SLAMF9: variants seen among roughly 807,000 people sequenced by gnomAD.
The protein encoded by SLAMF9 is CD2 family member 10.
SLAMF9 carries 25 observed loss-of-function variants against 30.4 expected under a neutral mutation model. The ratio of observed to expected loss-of-function variants is 0.82; its 90% CI spans 0.60 to 1.15. The LOEUF is 1.15. Ranked by LOEUF, SLAMF9 falls within the 50% of genes most tolerant of loss-of-function variation. The pLI is 0.00. For missense variants in SLAMF9, 344 were observed against 346.1 expected, an observed-to-expected ratio of 0.99 and a Z score of 0.05; for synonymous variants, 129 against 127.2, an observed-to-expected ratio of 1.01 and a Z score of -0.09.
At position 159,954,205 on chromosome 1, in the gene SLAMF9, A is replaced by G; in HGVS notation, c.-68T>C. The stretch of plus-strand genomic sequence containing the variant: ...TCCCCAGGACTGTGCAGAAGACTGC[A>G]TTAGGAGGCTCCTAGACACAAAGAG... On this transcript the variant is annotated 5_prime_UTR_variant, in exon 1 of 4. It removes an upstream start codon present in the reference 5' UTR. Transcript: ENST00000368093. 6.3e-7 allele frequency: 1 copy of G among 1,580,154 alleles called. No individual in the cohort carries two copies. The highest frequency in any genetic ancestry group is 8.7e-7 in the Non-Finnish European group (1 of 1,152,180).
At chr1:159,972,108 G>T in the SLAMF9 span, among the ~76,000 whole-genome samples, 3 of 152,132 alleles carry the variant, frequency 2.0e-5, no homozygotes, top group Admixed American at 6.5e-5. Flanking sequence ...GGGCCAAGCT[G>T]AGGATTCTGG....
At chr1:159,967,797 T>C in the SLAMF9 span, among the ~76,000 whole-genome samples, 1 of 152,212 alleles carries the variant, frequency 6.6e-6, no homozygotes, top group Non-Finnish European at 1.5e-5. Flanking sequence ...TTTATAGTTT[T>C]CAGTATATAA....
chr1:159,980,918 T>C, the SLAMF9 span, among the ~76,000 whole-genome samples: 1 of 152,266 alleles, frequency 6.6e-6, no homozygotes, highest in Non-Finnish European at 1.5e-5. Flanking sequence ...TGGACCCACC[T>C]GACTTTCTTT....
the SLAMF9 span, among the ~76,000 whole-genome samples, chr1:159,968,769 G>A: frequency 6.6e-6 from 1 of 152,184 alleles, no homozygotes. Flanking sequence ...AGTAGGGAAG[G>A]CCCAGGCACG....
At chr1:159,976,912 A>AAAAT in the SLAMF9 span, 96 of 59,576 alleles carry the variant, frequency 1.6e-3, no homozygotes, top group African/African-American at 5.1e-3. Context: ...AGGAAAGAAA[A>AAAAT]AAAGAAAGAA....
chr1:159,971,749 T>A, the SLAMF9 span, among the ~76,000 whole-genome samples: 1 of 152,126 alleles, frequency 6.6e-6, no homozygotes, highest in Non-Finnish European at 1.5e-5. Flanking sequence ...GTGGGCGTCC[T>A]GGCAGCTTTG....
At chr1:159,954,877 G>C (rs1387036906), upstream of SLAMF9, among the ~76,000 whole-genome samples, 1 of 152,038 alleles carries the variant, frequency 6.6e-6, no homozygotes, top group Non-Finnish European at 1.5e-5. Flanking sequence ...TCAGGAGTTT[G>C]AGACCAGCCT....
chr1:159,958,943 G>GT (rs1651984472), upstream of SLAMF9, among the ~76,000 whole-genome samples: 1 of 152,166 alleles, frequency 6.6e-6, no homozygotes, highest in South Asian at 2.1e-4. Context: ...AGTACTTCCT[G>GT]TGCCATGTAA....
At chr1:159,975,125 A>G in the SLAMF9 span, among the ~76,000 whole-genome samples, 1 of 152,198 alleles carries the variant, frequency 6.6e-6, no homozygotes, top group East Asian at 1.9e-4. Context: ...TAACAAAGGT[A>G]CTGATTCAAT....
Position 159,952,441 on chromosome 1 carries a change from C to A in SLAMF9, c.485G>T (p.Gly162Val), listed in dbSNP as rs1398032815. 1 of 1,614,132 alleles carries A rather than the reference C, an allele frequency of 6.2e-7. No homozygotes were observed. ...MSLVCSVEKA[G>V]MDMTYSWLSR... Reference sequence around the variant, plus strand: ...GAGCCAGCTGTAGGTCATATCCATGCCTGCCTTCTCCACAGAGCACACCAG... The same window carrying A: ...GAGCCAGCTGTAGGTCATATCCATGACTGCCTTCTCCACAGAGCACACCAG... The change falls in exon 3 of 4, where the codon GGC becomes GTC. Residue 162 changes from glycine to valine, a missense_variant. By Grantham distance (109) the Gly-to-Val change is moderately radical. Transcript: ENST00000368093.
In SLAMF9 at chr1:159,954,086, A is replaced by C; in HGVS notation, c.46+6T>G. The stretch of plus-strand genomic sequence containing the variant: ...TTCCTGTGCACGAGCTGGCAGCTTC[A>C]CTCACCCTCCTGGAGCAGCAGGAGA... On this transcript the variant is annotated splice_donor_region_variant and intron_variant, in intron 1 of 3. Transcript: ENST00000368093. The C allele has an allele frequency of 6.2e-7, 1 of 1,613,662 alleles. No individual in the cohort carries two copies. Among genetic ancestry groups the C allele is most frequent in the Non-Finnish European group, 8.5e-7 (1 of 1,179,912 alleles).
chr1:159,970,275 GATAGTGCAGAC>G, the SLAMF9 span, among the ~76,000 whole-genome samples: 1 of 152,188 alleles, frequency 6.6e-6, no homozygotes, highest in Non-Finnish European at 1.5e-5. Context: ...CTCATATGAG[GATAGTGCAGAC>G]TTGCTCCCCT....
At chr1:159,969,878 A>C in the SLAMF9 span, among the ~76,000 whole-genome samples, 74 of 152,148 alleles carry the variant, frequency 4.9e-4, no homozygotes, top group African/African-American at 1.7e-3. Flanking sequence ...CACTGTCTCT[A>C]CCCAAAATAC....
the SLAMF9 span, among the ~76,000 whole-genome samples, chr1:159,975,334 G>A: frequency 3.0e-4 from 45 of 152,268 alleles, no homozygotes; most frequent in African/African-American, 1.0e-3. Flanking sequence ...GACCCAAAGA[G>A]GTGAGATTGC....
At chr1:159,976,103 G>C in the SLAMF9 span, among the ~76,000 whole-genome samples, 1 of 151,846 alleles carries the variant, frequency 6.6e-6, no homozygotes, top group Non-Finnish European at 1.5e-5. Context: ...GTGTGTGTGT[G>C]TGTGTGTGTG....
chr1:159,951,892 G>A (rs1651758514), intron 3 of SLAMF9, 26 bp from the exon 4 acceptor site: 1 of 1,604,268 alleles, frequency 6.2e-7, no homozygotes, highest in Non-Finnish European at 8.5e-7. Context: ...GGAGGAAAGG[G>A]CCCATCAGTG....
At chr1:159,955,199 T>C (rs2820584), upstream of SLAMF9, among the ~76,000 whole-genome samples, 132,647 of 152,170 alleles carry the variant, frequency 0.87, 58,286 homozygotes, top group East Asian at 1. Flanking sequence ...GTTGATCAAC[T>C]TATATGAATT....
At chr1:159,972,937 G>T in the SLAMF9 span, 2 of 1,034,406 alleles carry the variant, frequency 1.9e-6, no homozygotes, top group Non-Finnish European at 2.7e-6. Context: ...CTCCTCCCAG[G>T]GGGTCCCACT....
At chr1:159,977,004 A>C in the SLAMF9 span, 23 of 101,310 alleles carry the variant, frequency 2.3e-4, no homozygotes, top group African/African-American at 8.5e-4. Context: ...GAAAGAAAGA[A>C]AGAGAAAGAA....
Sources: gnomAD v4.1 joint callset for allele counts (sites outside exome capture counted in the v4.1 genomes callset) on GRCh38, gnomAD v4.1.1 for gene constraint, MANE v1.5 for transcripts, NCBI Gene and HGNC (gene_info 2026-07-23, HGNC 2026-07-21) for gene names.